Variants in TIAM1 observed in about 807,000 individuals in gnomAD.
The protein encoded by TIAM1 is rho guanine nucleotide exchange factor TIAM1.
TIAM1 carries 65 observed loss-of-function variants against 163.5 expected under a neutral mutation model. That is an observed-to-expected ratio of 0.40 (90% CI 0.33 to 0.49). TIAM1 has a LOEUF of 0.49. Among genes scored for constraint, TIAM1 ranks in the 20% least tolerant of loss-of-function variants. The pLI is 0.77. For missense variants in TIAM1, 1,789 were observed against 2,044.7 expected (o/e 0.87, Z 2.41); for synonymous variants, 833 against 810.1 (o/e 1.03, Z -0.48).
chr21:31,347,405 TC>T (rs1243912950), upstream of TIAM1, among the ~76,000 whole-genome samples: 1 of 152,066 alleles, frequency 6.6e-6, no homozygotes, highest in Admixed American at 6.6e-5. Flanking sequence ...CCAGGAAGAT[TC>T]CCCCACAACA....
intron 13 of TIAM1, among the ~76,000 whole-genome samples, chr21:31,193,460 A>G (rs2262255): frequency 0.23 from 34,663 of 152,074 alleles, 6,600 homozygotes; most frequent in African/African-American, 0.49. Flanking sequence ...TCCCTAGGAG[A>G]GAGCATTTCT....
chr21:31,491,522 C>T (rs1033050711), intron 1 of TIAM1, among the ~76,000 whole-genome samples: 1 of 152,170 alleles, frequency 6.6e-6, no homozygotes, highest in Non-Finnish European at 1.5e-5. Flanking sequence ...CGATGACTTC[C>T]TGTCGGTCAC....
At chr21:31,304,850 G>T (rs576885359) in intron 2 of TIAM1, among the ~76,000 whole-genome samples, 88 of 152,204 alleles carry the variant, frequency 5.8e-4, no homozygotes, top group African/African-American at 2.0e-3. Context: ...CCACCACCAT[G>T]CCCGGCTAGT....
At chr21:31,232,455 AGTGGCACACAGGGAGCTATGTG>A (rs2088495658) in intron 6 of TIAM1, among the ~76,000 whole-genome samples, 1 of 152,146 alleles carries the variant, frequency 6.6e-6, no homozygotes, top group African/African-American at 2.4e-5. Flanking sequence ...GTCCCTTTGC[AGTGGCACACAGGGAGCTATGTG>A]TCCACAAGAG....
At chr21:31,471,056 A>T (rs1218253902) in intron 1 of TIAM1, among the ~76,000 whole-genome samples, 2 of 152,246 alleles carry the variant, frequency 1.3e-5, no homozygotes, top group African/African-American at 2.4e-5. Flanking sequence ...CAGCAAAAGC[A>T]GTTCCGGGGC....
chr21:31,534,296 C>T (rs1051284684), intron 1 of TIAM1, among the ~76,000 whole-genome samples: 1 of 152,214 alleles, frequency 6.6e-6, no homozygotes, highest in Admixed American at 6.5e-5. Flanking sequence ...GTGCCTACAT[C>T]GAGAACAACC....
rs182626402 is a variant in TIAM1, at chr21:31,479,335, C to A, written c.-421-15300G>T. Among the ~76,000 whole-genome samples, 517 of 152,084 alleles carry A rather than the reference C, an allele frequency of 3.4e-3. 4 individuals carry two copies. The highest frequency in any genetic ancestry group is 0.012 in the African/African-American group (496 of 41,490). ...TGCAACATGATTTATTCCTGTGATT[C>A]TGTCTGGTTATAATTATGCATGTGG... On this transcript the variant is annotated intron_variant, in intron 1 of 28. Transcript: ENST00000286827.
At chr21:31,521,745 A>ACACACAC (rs2047595411) in intron 1 of TIAM1, among the ~76,000 whole-genome samples, 1 of 146,862 alleles carries the variant, frequency 6.8e-6, no homozygotes, top group Non-Finnish European at 1.5e-5. Flanking sequence ...CTCACACACA[A>ACACACAC]ACACACACAC....
chr21:31,486,221 C>G (rs1569374172), intron 1 of TIAM1, among the ~76,000 whole-genome samples: 1 of 152,228 alleles, frequency 6.6e-6, no homozygotes, highest in Non-Finnish European at 1.5e-5. Context: ...CCATCCAGCA[C>G]TGGAACGCAG....
chr21:31,441,637 T>C (rs1012145090), intron 2 of TIAM1, among the ~76,000 whole-genome samples: 1 of 152,182 alleles, frequency 6.6e-6, no homozygotes. Flanking sequence ...CAGACTTTGT[T>C]CCAGGATTGA....
At position 31,119,305 on chromosome 21, in the gene TIAM1, TC is replaced by T; in HGVS notation, c.*1062del. The T allele has an allele frequency of 6.6e-6, 1 of 152,608 alleles. No homozygotes were observed. Among genetic ancestry groups the T allele is most frequent in the Admixed American group, 6.5e-5 (1 of 15,276 alleles). 9.5% of individuals were successfully genotyped at this position (152,608 alleles called of 1,614,324 possible). ...GGACTGTCAGGGAAGGGGAAGGTAATCTATGGATGAAGATGCAATTTTGATG... is the reference window on the plus strand; with the variant it reads ...GGACTGTCAGGGAAGGGGAAGGTAATTATGGATGAAGATGCAATTTTGATG... On this transcript the variant is annotated 3_prime_UTR_variant, in exon 28 of 28. Transcript: ENST00000541036.
chr21:31,453,739 A>T (rs984637254), intron 2 of TIAM1, among the ~76,000 whole-genome samples: 4 of 151,288 alleles, frequency 2.6e-5, no homozygotes, highest in African/African-American at 4.8e-5. Context: ...AATAAATTTT[A>T]AAAAATAAAA....
chr21:31,354,200 G>A (rs1236405590), intron 2 of TIAM1, among the ~76,000 whole-genome samples: 1 of 151,952 alleles, frequency 6.6e-6, no homozygotes, highest in Non-Finnish European at 1.5e-5. Context: ...AAAGTCAGAG[G>A]GCTGAGTGTG....
intron 2 of TIAM1, among the ~76,000 whole-genome samples, chr21:31,387,561 G>A (rs1174998320): frequency 6.6e-6 from 1 of 151,958 alleles, no homozygotes; most frequent in East Asian, 1.9e-4. Flanking sequence ...CAGGGACACT[G>A]TCTTCTGACG....
intron 2 of TIAM1, among the ~76,000 whole-genome samples, chr21:31,375,765 A>G (rs1257674241): frequency 6.6e-6 from 1 of 152,220 alleles, no homozygotes; most frequent in Non-Finnish European, 1.5e-5. Flanking sequence ...GTGGTGGCTC[A>G]CGCCTGTAAT....
intron 2 of TIAM1, among the ~76,000 whole-genome samples, chr21:31,412,292 G>C (rs1032162189): frequency 2.6e-5 from 4 of 152,186 alleles, no homozygotes; most frequent in African/African-American, 9.6e-5. Context: ...GGGGTGCAAA[G>C]AGGGTAGATG....
At chr21:31,222,676 C>CACATACATATATAT (rs1310227960) in intron 8 of TIAM1, among the ~76,000 whole-genome samples, 1 of 48,256 alleles carries the variant, frequency 2.1e-5, no homozygotes, top group Admixed American at 4.4e-4. Context: ...TGTACACATA[C>CACATACATATATAT]ATATATATAT....
chr21:31,188,446 A>C (rs1343836441), intron 13 of TIAM1, among the ~76,000 whole-genome samples: 3 of 152,064 alleles, frequency 2.0e-5, no homozygotes, highest in African/African-American at 7.2e-5. Flanking sequence ...GTGGAAATTA[A>C]AAAAAAATCT....
In TIAM1 at chr21:31,237,878, C is replaced by G. The variant is rs547358440; in HGVS notation, c.1584+7610G>C. 2.0e-5 allele frequency among the ~76,000 whole-genome samples: 3 copies of G among 152,224 alleles called. No homozygotes were observed. The East Asian group carries it at 5.8e-4, about 29-fold the overall frequency. ...TCCTAAGGTAATGAATGAATGAAGG[C>G]CCAATAGGAAATTGTACTTTGTAGG... On this transcript the variant is annotated intron_variant, in intron 6 of 27. Coordinates refer to ENST00000541036, the MANE Select transcript of TIAM1 (RefSeq NM_001353694.2).
Sources: gnomAD v4.1 joint callset for allele counts (sites outside exome capture counted in the v4.1 genomes callset) on GRCh38, gnomAD v4.1.1 for gene constraint, MANE v1.5 for transcripts, NCBI Gene and HGNC (gene_info 2026-07-23, HGNC 2026-07-21) for gene names.